The following RAD21L1 variants were observed in gnomAD, a reference collection of about 807,000 sequenced individuals.
The protein encoded by RAD21L1 is double-strand-break repair protein rad21-like protein 1.
In RAD21L1, 47 loss-of-function variants were observed where a neutral mutation model predicts 69.0. The ratio of observed to expected loss-of-function variants is 0.68; its 90% CI spans 0.54 to 0.87. RAD21L1 has a LOEUF of 0.87. Among genes scored for constraint, RAD21L1 ranks in the 40% least tolerant of loss-of-function variants. The pLI is 0.00. For synonymous variants in RAD21L1, 177 were observed against 205.8 expected (o/e 0.86, Z 1.20); for missense variants, 583 against 647.6 (o/e 0.90, Z 1.08).
At chr20:1,249,455 A>G (rs1452509733) in intron 13 of RAD21L1, among the ~76,000 whole-genome samples, 2 of 152,196 alleles carry the variant, frequency 1.3e-5, no homozygotes, top group Admixed American at 6.5e-5. Flanking sequence ...CTGTCAGGTA[A>G]AAGTTCAATC....
At position 1,242,623 on chromosome 20, in the gene RAD21L1, T is replaced by G. The variant is rs2122842849; in HGVS notation, c.861T>G (p.Ile287Met). Reference protein sequence around the residue: ...FTLDPIDISDIAEKRKGKKRR... With the variant: ...FTLDPIDISDMAEKRKGKKRR... ...TGTGCTATTTCTTATATTTAGACAT[T>G]GCTGAGAAAAGGAAAGGCAAAAAGA... Residue 287 changes from isoleucine to methionine, a missense_variant, in exon 9 of 14, where the codon ATT becomes ATG. Ile to Met is a conservative substitution (Grantham distance 10). Coordinates refer to ENST00000683101, the MANE Select transcript of RAD21L1 (RefSeq NM_001384355.1). The G allele has an allele frequency of 1.3e-6, 2 of 1,547,644 alleles. No homozygotes were observed. Among genetic ancestry groups the G allele is most frequent in the South Asian group, 2.4e-5 (2 of 83,966 alleles).
rs111583951 is a variant in RAD21L1 at position 1,242,971 on chromosome 20, T to C, written c.1083+126T>C. ...AAACTTGCGAAGAAGTACTTCCTCATTTTGAATTAATTTTCTGTATTGTGT... is the reference window on the plus strand; with the variant it reads ...AAACTTGCGAAGAAGTACTTCCTCACTTTGAATTAATTTTCTGTATTGTGT... On this transcript the variant is annotated intron_variant, in intron 9 of 13. Coordinates refer to ENST00000683101, the MANE Select transcript of RAD21L1 (RefSeq NM_001384355.1). 2,077 of 907,534 alleles carry C rather than the reference T, an allele frequency of 2.3e-3. 35 individuals carry two copies. In the African/African-American group the frequency reaches 0.03, roughly 13 times the overall value. 56.2% of individuals were successfully genotyped at this position (907,534 alleles called of 1,614,324 possible).
intron 3 of RAD21L1, chr20:1,230,688 C>T (rs1600215219): frequency 4.3e-6 from 2 of 460,978 alleles, no homozygotes; most frequent in East Asian, 1.5e-4. Flanking sequence ...CCTCAATCAA[C>T]ATTTGTTGAA....
At chr20:1,226,941 C>A (rs914630160) in intron 1 of RAD21L1, among the ~76,000 whole-genome samples, 1 of 152,150 alleles carries the variant, frequency 6.6e-6, no homozygotes, top group Admixed American at 6.5e-5. Flanking sequence ...ACGGAGTCGC[C>A]CTCTGTCGCC....
chr20:1,243,092 TA>T lies in RAD21L1; in HGVS notation c.1084-4del. ...CAAAAAAAACAAAAATGTGTATTTTTACAGTTGTTTACAAAATGCTTTCTGT... is the reference window on the plus strand; with the variant it reads ...CAAAAAAAACAAAAATGTGTATTTTTCAGTTGTTTACAAAATGCTTTCTGT... On this transcript the variant is annotated splice_polypyrimidine_tract_variant and splice_region_variant and intron_variant, in intron 9 of 13. Coordinates refer to ENST00000683101, the MANE Select transcript of RAD21L1 (RefSeq NM_001384355.1). The T allele has an allele frequency of 6.7e-7, 1 of 1,501,012 alleles. No homozygotes were observed. Among genetic ancestry groups the T allele is most frequent in the Non-Finnish European group, 8.9e-7 (1 of 1,120,532 alleles). The allele number at this position is 1,501,012 out of a possible 1,614,324, so 93.0% of individuals were successfully genotyped here.
chr20:1,252,458 G>T (rs562961988), intron 13 of RAD21L1, among the ~76,000 whole-genome samples: 1 of 152,262 alleles, frequency 6.6e-6, no homozygotes, highest in East Asian at 1.9e-4. Flanking sequence ...ATATAAGCAT[G>T]ATGCCAGTGG....
rs763580583 is a variant in RAD21L1 at position 1,228,489 on chromosome 20, G to A, written c.36G>A (p.Gly12=). 2.6e-6 allele frequency: 4 copies of A among 1,549,994 alleles called. No homozygotes were observed. The highest frequency in any genetic ancestry group is 2.5e-5 in the East Asian group (1 of 40,762). The change falls in exon 2 of 14, where the codon GGG becomes GGA. Residue 12 remains glycine (G), a synonymous_variant. Transcript: ENST00000683101. ...CACATGTGCTTATGAGTAAACGAGGGCCATTGGCCAAAATATGGCTTGCAG... is the reference window on the plus strand; with the variant it reads ...CACATGTGCTTATGAGTAAACGAGGACCATTGGCCAAAATATGGCTTGCAG... ...FYTHVLMSKR[G]PLAKIWLAAH...
chr20:1,243,445 T>G (rs1425831253), intron 10 of RAD21L1, among the ~76,000 whole-genome samples: 1 of 152,172 alleles, frequency 6.6e-6, no homozygotes, highest in Admixed American at 6.5e-5. Context: ...CCATTCTTAT[T>G]ATCACTCTTT....
intron 8 of RAD21L1, 107 bp from the exon 9 acceptor site, chr20:1,242,511 GC>G: frequency 1.2e-6 from 1 of 833,128 alleles, no homozygotes; most frequent in Non-Finnish European, 2.0e-6. Context: ...AGGATTACAG[GC>G]ATGAGCCACC....
chr20:1,233,254 T>C lies in RAD21L1; in HGVS notation c.369-831T>C, dbSNP rs2179451. Among the ~76,000 whole-genome samples the C allele has an allele frequency of 1.6e-4, 25 of 151,988 alleles. No individual in the cohort carries two copies. In the East Asian group the frequency reaches 4.8e-3, roughly 29 times the overall value. ...GATGTATAAATTTGCAAGTTGTGAG[T>C]GTATAGATGGAACTTCAACCATGGA... On this transcript the variant is annotated intron_variant, in intron 4 of 13. Transcript: ENST00000683101.
intron 11 of RAD21L1, among the ~76,000 whole-genome samples, chr20:1,244,907 G>A (rs1054021325): frequency 1.3e-5 from 2 of 152,120 alleles, no homozygotes; most frequent in African/African-American, 4.8e-5. Context: ...ATTTCACAGT[G>A]CATTCAAACA....
At chr20:1,254,113 G>T (rs982157094) in intron 13 of RAD21L1, among the ~76,000 whole-genome samples, 156 bp from the exon 14 acceptor site, 33 of 152,122 alleles carry the variant, frequency 2.2e-4, no homozygotes, top group Admixed American at 6.5e-5. Context: ...TTGTTTTTAT[G>T]TTTACTAAGG....
intron 13 of RAD21L1, among the ~76,000 whole-genome samples, chr20:1,251,371 T>G (rs2087828736): frequency 6.7e-5 from 2 of 29,686 alleles, no homozygotes; most frequent in Admixed American, 5.4e-4. Context: ...TGTGCTTTGG[T>G]TTTTTTTTTT....
chr20:1,240,053 C>T (rs2087575162), intron 7 of RAD21L1, among the ~76,000 whole-genome samples: 2 of 152,166 alleles, frequency 1.3e-5, no homozygotes, highest in African/African-American at 4.8e-5. Flanking sequence ...ACTGTTTTCA[C>T]ATCTGCTGTG....
At chr20:1,252,538 TC>T (rs1286918503) in intron 13 of RAD21L1, among the ~76,000 whole-genome samples, 2 of 152,200 alleles carry the variant, frequency 1.3e-5, no homozygotes, top group Non-Finnish European at 2.9e-5. Context: ...TTTCCCTTAA[TC>T]CCACTGTTTG....
At chr20:1,231,309 G>T (rs1182947106) in intron 3 of RAD21L1, among the ~76,000 whole-genome samples, 2 of 152,146 alleles carry the variant, frequency 1.3e-5, no homozygotes, top group Non-Finnish European at 2.9e-5. Flanking sequence ...ATGCACTGGA[G>T]AAGTCACTAA....
chr20:1,228,487 G>T lies in RAD21L1; in HGVS notation c.34G>T (p.Gly12Trp). Residue 12 changes from glycine (G) to tryptophan (W), a missense_variant, in exon 2 of 14, where the codon GGG becomes TGG. By Grantham distance (184) the Gly-to-Trp change is radical. Coordinates refer to ENST00000683101, the MANE Select transcript of RAD21L1 (RefSeq NM_001384355.1). ...FYTHVLMSKR[G>W]PLAKIWLAAH... ...CACACATGTGCTTATGAGTAAACGA[G>T]GGCCATTGGCCAAAATATGGCTTGC... 1 of 1,549,900 alleles carries T rather than the reference G, an allele frequency of 6.5e-7. No individual in the cohort carries two copies. The highest frequency in any genetic ancestry group is 1.2e-5 in the South Asian group (1 of 83,808).
In RAD21L1 at chr20:1,255,715, G is replaced by C. The variant is rs545074791; in HGVS notation, c.*1258G>C. Among the ~76,000 whole-genome samples the C allele has an allele frequency of 9.5e-4, 144 of 152,226 alleles. 1 individual carries two copies. The highest frequency in any genetic ancestry group is 3.3e-3 in the African/African-American group (139 of 41,540). Reference sequence around the variant, plus strand: ...CAGTAACATCACCCTAAAAAATTCTGTTATCCCTTTGTAGTAACCCCCTTC... The same window carrying C: ...CAGTAACATCACCCTAAAAAATTCTCTTATCCCTTTGTAGTAACCCCCTTC... On this transcript the variant is annotated 3_prime_UTR_variant, in exon 14 of 14. Transcript: ENST00000683101.
In RAD21L1 at chr20:1,231,509, T is replaced by A; in HGVS notation, c.275-17T>A. On this transcript the variant is annotated splice_polypyrimidine_tract_variant and intron_variant, in intron 3 of 13. Transcript: ENST00000683101. ...TAGCATTGTTGCTTATTGAGTATGG[T>A]TTTTGATCCTTTTCAGGACTGGTTG... The A allele has an allele frequency of 1.5e-6, 2 of 1,342,710 alleles. No individual in the cohort carries two copies. Among genetic ancestry groups the A allele is most frequent in the Non-Finnish European group, 2.1e-6 (2 of 962,818 alleles). The allele number at this position is 1,342,710 out of a possible 1,614,324, so 83.2% of individuals were successfully genotyped here.
Sources: gnomAD v4.1 joint callset for allele counts (sites outside exome capture counted in the v4.1 genomes callset) on GRCh38, gnomAD v4.1.1 for gene constraint, MANE v1.5 for transcripts, NCBI Gene and HGNC (gene_info 2026-07-23, HGNC 2026-07-21) for gene names.